The following LAMA5 variants were observed in gnomAD, a reference collection of about 807,000 sequenced individuals.
LAMA5 encodes laminin subunit alpha-5.
LAMA5 carries 260 observed loss-of-function variants against 433.4 expected under a neutral mutation model. That is an observed-to-expected ratio of 0.60 (90% CI 0.54 to 0.66). The LOEUF (loss-of-function observed/expected upper bound fraction) is 0.66. Ranked by LOEUF, LAMA5 falls within the 30% of genes least tolerant of loss-of-function variation. The probability of loss-of-function intolerance (pLI) is 0.00; values close to 1 mark genes in which losing one functional copy is unlikely to be tolerated. For synonymous variants in LAMA5, 2,620 were observed against 2,226.6 expected (o/e 1.18, Z -4.97); for missense variants, 5,378 against 5,258.5 (o/e 1.02, Z -0.70).
At chr20:62,311,362 G>A in intron 72 of LAMA5, 39 bp downstream of exon 72, 1 of 1,523,382 alleles carries the variant, frequency 6.6e-7, no homozygotes, top group Non-Finnish European at 8.8e-7. Flanking sequence ...CACCCTTCCA[G>A]CCACCCCAGC....
In LAMA5 at chr20:62,346,728, C is replaced by A; in HGVS notation, c.1145G>T (p.Ser382Ile). ...PEVDRRRASQ[S>I]LDGTYQGGGV... ...CCCACCCTGATAGGTGCCATCCAGG[C>A]TCTGGCTGGCGCGGCGCCGGTCCAC... Residue 382 changes from serine (S) to isoleucine (I), a missense_variant, in exon 8 of 80, where the codon AGC (serine) becomes ATC (isoleucine). Ser to Ile is a moderately radical substitution (Grantham distance 142, BLOSUM62 -2). Coordinates refer to ENST00000252999, the MANE Select transcript of LAMA5 (RefSeq NM_005560.6). 1 of 1,613,282 alleles carries A rather than the reference C, an allele frequency of 6.2e-7. No individual in the cohort carries two copies. The highest frequency in any genetic ancestry group is 1.7e-5 in the Admixed American group (1 of 60,024).
intron 1 of LAMA5, among the ~76,000 whole-genome samples, chr20:62,364,933 G>A (rs1484799744): frequency 6.6e-6 from 1 of 152,250 alleles, no homozygotes; most frequent in East Asian, 1.9e-4. Context: ...CACCTCCTGT[G>A]CCTGCCTGCC....
At position 62,367,153 on chromosome 20, in the gene LAMA5, G is replaced by A. The variant is rs1986829085; in HGVS notation, c.93C>T (p.Gly31=). Reference sequence around the variant, plus strand: ...CCGCCTCCTCCCGCGCCCGCGCCGCGCCCAGCAGCGCCAGCCCGACCAGCA... The same window carrying A: ...CCGCCTCCTCCCGCGCCCGCGCCGCACCCAGCAGCGCCAGCCCGACCAGCA... The part of the protein sequence containing the change: ...PLLLVGLALL[G]AARAREEAGG... Residue 31 remains glycine, a synonymous_variant, in exon 1 of 80, where the codon GGC becomes GGT. Transcript: ENST00000252999. 2.4e-6 allele frequency: 3 copies of A among 1,260,706 alleles called. No homozygotes were observed. Among genetic ancestry groups the A allele is most frequent in the Non-Finnish European group, 3.0e-6 (3 of 1,005,918 alleles). The allele number at this position is 1,260,706 out of a possible 1,614,324, so 78.1% of individuals were successfully genotyped here.
At position 62,351,810 on chromosome 20, in the gene LAMA5, G is replaced by T; in HGVS notation, c.859-9C>A. The T allele has an allele frequency of 6.3e-7, 1 of 1,599,090 alleles. No homozygotes were observed. Among genetic ancestry groups the T allele is most frequent in the Middle Eastern group, 1.7e-4 (1 of 6,040 alleles). ...TTGATGCTGTAATAATACTGCACCC[G>T]CAGGCCCCGTGAGCACCAGGCGGCC... is the stretch of plus-strand genomic sequence containing the variant. On this transcript the variant is annotated splice_polypyrimidine_tract_variant and intron_variant, in intron 5 of 79. Coordinates refer to ENST00000252999, the MANE Select transcript of LAMA5 (RefSeq NM_005560.6).
chr20:62,317,128 A>G, intron 55 of LAMA5, 105 bp from the exon 56 acceptor site: 1 of 1,328,818 alleles, frequency 7.5e-7, no homozygotes, highest in Non-Finnish European at 1.0e-6. Flanking sequence ...CCTGCCCGCC[A>G]AGTCCCGCCT....
Position 62,317,509 on chromosome 20 carries a change from G to C in LAMA5, c.7357-10C>G. The C allele has an allele frequency of 6.5e-7, 1 of 1,539,146 alleles. No homozygotes were observed. ...CGAGGCGCTCCAGCTCCTGGAATTT[G>C]AGTGGACTTAGCCCCTCATCCTGCT... On this transcript the variant is annotated splice_polypyrimidine_tract_variant and intron_variant, in intron 54 of 79. Coordinates refer to ENST00000252999, the MANE Select transcript of LAMA5 (RefSeq NM_005560.6).
At chr20:62,309,925 C>T in intron 78 of LAMA5, 63 bp downstream of exon 78, 1 of 1,605,716 alleles carries the variant, frequency 6.2e-7, no homozygotes, top group East Asian at 2.2e-5. Context: ...AGAGTCCCGC[C>T]TGGCTCCCGC....
At chr20:62,322,885 G>C in intron 45 of LAMA5, 127 bp from the exon 46 acceptor site, 1 of 612,966 alleles carries the variant, frequency 1.6e-6, no homozygotes, top group Non-Finnish European at 2.7e-6. Context: ...GGACCACCCG[G>C]CTACCCACTC....
intron 11 of LAMA5, among the ~76,000 whole-genome samples, chr20:62,344,784 G>C (rs1352561446): frequency 6.7e-6 from 1 of 150,336 alleles, no homozygotes; most frequent in Non-Finnish European, 1.5e-5. Flanking sequence ...CTTTATCACA[G>C]CATAATTAAA....
At chr20:62,330,387 T>G in intron 31 of LAMA5, 101 bp downstream of exon 31, 5 of 1,400,894 alleles carry the variant, frequency 3.6e-6, no homozygotes, top group Non-Finnish European at 4.7e-6. Flanking sequence ...AGAGTCATGT[T>G]GCCTGTCGCT....
chr20:62,318,309 A>AG (rs1336804888), intron 53 of LAMA5, 145 bp downstream of exon 53: 1 of 304,770 alleles, frequency 3.3e-6, no homozygotes, highest in Non-Finnish European at 5.7e-6. Context: ...GGGGGGAAGA[A>AG]GAGGAGGAGG....
At position 62,313,690 on chromosome 20, in the gene LAMA5, C is replaced by T. The variant is rs771299964; in HGVS notation, c.8617G>A (p.Asp2873Asn). The change falls in exon 63 of 80, where the codon GAC becomes AAC. Residue 2873 changes from aspartate (D) to asparagine (N), a missense_variant. Transcript: ENST00000252999. ...AEGLLNLRPD[D>N]FVFYVGGYPS... ...TACCCCCCGACGTAGAAGACGAAGTCGTCTGGCCGCAGGTTGAGCAGCCCC... is the reference window on the plus strand; with the variant it reads ...TACCCCCCGACGTAGAAGACGAAGTTGTCTGGCCGCAGGTTGAGCAGCCCC... 7 of 1,612,692 alleles carry T rather than the reference C, an allele frequency of 4.3e-6. No individual in the cohort carries two copies. The highest frequency in any genetic ancestry group is 2.7e-5 in the African/African-American group (2 of 74,936).
At chr20:62,320,077 G>C (rs1188191578) in intron 50 of LAMA5, among the ~76,000 whole-genome samples, 1 of 152,070 alleles carries the variant, frequency 6.6e-6, no homozygotes, top group Non-Finnish European at 1.5e-5. Flanking sequence ...CCAGCACTTT[G>C]GGAGGCTGAG....
At chr20:62,309,515 G>T (rs1196153932) in intron 79 of LAMA5, 40 bp from the exon 80 acceptor site, 5 of 1,510,102 alleles carry the variant, frequency 3.3e-6, no homozygotes, top group Admixed American at 3.9e-5. Context: ...TGGTTGGTGG[G>T]CAGCTAGAGA....
chr20:62,365,063 C>A (rs1247907739), intron 1 of LAMA5, among the ~76,000 whole-genome samples: 1 of 152,288 alleles, frequency 6.6e-6, no homozygotes, highest in African/African-American at 2.4e-5. Flanking sequence ...CAAGGTCATA[C>A]CCGTCCAGCT....
Position 62,316,024 on chromosome 20 carries a change from G to C in LAMA5, c.7791C>G (p.Leu2597=). 6.2e-7 allele frequency: 1 copy of C among 1,609,680 alleles called. No homozygotes were observed. The highest frequency in any genetic ancestry group is 8.5e-7 in the Non-Finnish European group (1 of 1,179,506). ...WAALQGARTQ[L]RDVRAKKDQL... Reference sequence around the variant, plus strand: ...GGTCCTTCTTGGCCCGGACATCTCGGAGCTGGGTCCTGGCACCCTGGAGGG... The same window carrying C: ...GGTCCTTCTTGGCCCGGACATCTCGCAGCTGGGTCCTGGCACCCTGGAGGG... The change falls in exon 58 of 80, where the codon CTC becomes CTG. Residue 2597 remains leucine, a synonymous_variant. Coordinates refer to ENST00000252999, the MANE Select transcript of LAMA5 (RefSeq NM_005560.6).
In LAMA5 at chr20:62,322,694, C is replaced by G; in HGVS notation, c.6129G>C (p.Lys2043Asn). 1 of 1,548,972 alleles carries G rather than the reference C, an allele frequency of 6.5e-7. No homozygotes were observed. The highest frequency in any genetic ancestry group is 8.7e-7 in the Non-Finnish European group (1 of 1,148,912). ...CDPHSGHCLC[K>N]AGVTGRRCDR... Reference sequence around the variant, plus strand: ...CACAGCGCCGCCCAGTCACGCCCGCCTTGCACAGGCAGTGCCCGCTGTGGG... The same window carrying G: ...CACAGCGCCGCCCAGTCACGCCCGCGTTGCACAGGCAGTGCCCGCTGTGGG... The change falls in exon 46 of 80, where the codon AAG becomes AAC. Residue 2043 changes from lysine (K) to asparagine (N), a missense_variant. By Grantham distance (94) the Lys-to-Asn change is moderately conservative (BLOSUM62 0). Transcript: ENST00000252999.
intron 2 of LAMA5, among the ~76,000 whole-genome samples, chr20:62,356,951 G>A (rs901818961): frequency 6.6e-6 from 1 of 152,220 alleles, no homozygotes; most frequent in Non-Finnish European, 1.5e-5. Context: ...AGCTGCGGAG[G>A]GGACTGAGTA....
chr20:62,338,082 G>T lies in LAMA5; in HGVS notation c.1825C>A (p.Pro609Thr), dbSNP rs777773047. 1 of 1,604,594 alleles carries T rather than the reference G, an allele frequency of 6.2e-7. No individual in the cohort carries two copies. The highest frequency in any genetic ancestry group is 8.5e-7 in the Non-Finnish European group (1 of 1,175,210). The change falls in exon 14 of 80, where the codon CCT becomes ACT. Residue 609 changes from proline (P) to threonine (T), a missense_variant. Coordinates refer to ENST00000252999, the MANE Select transcript of LAMA5 (RefSeq NM_005560.6). ...CDEAGRCLCQ[P>T]EFAGPHCDRC... ...TCACAATGAGGTCCAGCAAACTCAG[G>T]CTGGCATAGGCAGCGGCCGGCCTCA...
Sources: allele counts gnomAD v4.1 joint callset (sites outside exome capture counted in the v4.1 genomes callset), GRCh38; gene constraint gnomAD v4.1.1; transcripts MANE v1.5; gene names NCBI Gene and HGNC (gene_info 2026-07-23, HGNC 2026-07-21).